The following ACACB variants were observed in gnomAD, a reference collection of about 807,000 sequenced individuals.
The protein encoded by ACACB is acetyl-CoA carboxylase 2.
ACACB carries 209 observed loss-of-function variants against 278.8 expected under a neutral mutation model. The ratio of observed to expected loss-of-function variants is 0.75; its 90% CI spans 0.67 to 0.84. ACACB has a LOEUF of 0.84. Ranked by LOEUF, ACACB falls within the 40% of genes least tolerant of loss-of-function variation. ACACB has a pLI of 0.00. For missense variants in ACACB, 2,850 were observed against 3,269.0 expected (o/e 0.87, Z 3.13); for synonymous variants, 1,174 against 1,285.6 (o/e 0.91, Z 1.86).
rs576366559 is a variant in ACACB at position 109,189,652 on chromosome 12, G to A, written c.2144+1490G>A. Among the ~76,000 whole-genome samples the A allele has an allele frequency of 3.3e-5, 5 of 152,314 alleles. No individual in the cohort carries two copies. The East Asian group carries it at 9.6e-4, about 29-fold the overall frequency. On this transcript the variant is annotated intron_variant, in intron 13 of 52. Coordinates refer to ENST00000338432, the MANE Select transcript of ACACB (RefSeq NM_001093.4). ...GACAAGTCACTCACCCGTGAGACCA[G>A]CGGGTTAACTCTCATACCCAGCTTC...
chr12:109,116,298 T>G (rs1324752734), upstream of ACACB, among the ~76,000 whole-genome samples: 1 of 152,218 alleles, frequency 6.6e-6, no homozygotes, highest in African/African-American at 2.4e-5. Context: ...CAGTTAATTT[T>G]CAGCATGTCA....
intron 22 of ACACB, among the ~76,000 whole-genome samples, chr12:109,215,299 T>A (rs924802772): frequency 1.3e-5 from 2 of 151,980 alleles, no homozygotes; most frequent in Admixed American, 1.3e-4. Context: ...TTCTTAACTC[T>A]GTGGCCAGAA....
intron 1 of ACACB, among the ~76,000 whole-genome samples, chr12:109,128,359 C>CG (rs1418282581): frequency 6.6e-6 from 1 of 151,526 alleles, no homozygotes; most frequent in Non-Finnish European, 1.5e-5. Flanking sequence ...ATTTTTTAGA[C>CG]GGAGTTTCAC....
chr12:109,167,411 G>A (rs34284), intron 3 of ACACB: 120,461 of 155,520 alleles, frequency 0.77, 48,246 homozygotes, highest in Middle Eastern at 0.9. Flanking sequence ...CAGCATGGAC[G>A]ACATGACAAA....
At chr12:109,255,164 A>G (rs1056966003) in intron 44 of ACACB, among the ~76,000 whole-genome samples, 3 of 152,176 alleles carry the variant, frequency 2.0e-5, no homozygotes, top group Non-Finnish European at 4.4e-5. Context: ...ACATTTTTGC[A>G]CACACACATT....
chr12:109,117,635 A>G (rs1249170510), intron 1 of ACACB, among the ~76,000 whole-genome samples: 2 of 151,626 alleles, frequency 1.3e-5, no homozygotes, highest in Admixed American at 1.3e-4. Context: ...ACTGTACACA[A>G]CTCTCTCCCT....
intron 2 of ACACB, among the ~76,000 whole-genome samples, chr12:109,159,011 G>A (rs2043636025): frequency 6.6e-6 from 1 of 151,922 alleles, no homozygotes; most frequent in Non-Finnish European, 1.5e-5. Flanking sequence ...AATCTAAAAA[G>A]TTAAAACCGC....
intron 4 of ACACB, among the ~76,000 whole-genome samples, chr12:109,171,301 A>T (rs140833934): frequency 2.0e-4 from 30 of 151,800 alleles, no homozygotes; most frequent in African/African-American, 7.0e-4. Flanking sequence ...GTCCAGAAAC[A>T]TATCTGTATC....
intron 19 of ACACB, among the ~76,000 whole-genome samples, chr12:109,205,062 C>G (rs2045460281): frequency 2.0e-5 from 3 of 152,146 alleles, no homozygotes; most frequent in African/African-American, 7.2e-5. Flanking sequence ...CTAGGTTGGC[C>G]AGGCTGATCT....
chr12:109,253,943 C>T (rs2047160153), intron 43 of ACACB, among the ~76,000 whole-genome samples: 1 of 152,150 alleles, frequency 6.6e-6, no homozygotes, highest in Non-Finnish European at 1.5e-5. Context: ...AGTAGCAACC[C>T]TTTCCTGCGT....
chr12:109,250,242 C>A, intron 41 of ACACB, 138 bp downstream of exon 41: 1 of 908,568 alleles, frequency 1.1e-6, no homozygotes, highest in Non-Finnish European at 1.6e-6. Flanking sequence ...TGCCAGCCCA[C>A]TGATATTTCC....
chr12:109,201,853 A>G, intron 19 of ACACB, 152 bp downstream of exon 19: 1 of 1,117,502 alleles, frequency 8.9e-7, no homozygotes, highest in Non-Finnish European at 1.2e-6. Flanking sequence ...GTGATGGTGC[A>G]GAAACACAAG....
In ACACB at chr12:109,176,234, G is replaced by A. The variant is rs758908393; in HGVS notation, c.1408G>A (p.Ala470Thr). ...GAAGGGAATCCGGAAGGCTGAGAGT[G>A]CGGAGGACTTCCCGATCCTTTTCAG... The part of the protein sequence containing the change: ...GGKGIRKAES[A>T]EDFPILFRQV... Residue 470 changes from alanine to threonine, a missense_variant, in exon 9 of 53, where the codon GCG becomes ACG. This residue lies in a region of ACACB where 2,265 missense variants were observed against 2,561.3 expected (regional missense o/e 0.88). Coordinates refer to ENST00000338432, the MANE Select transcript of ACACB (RefSeq NM_001093.4). 5 of 1,614,214 alleles carry A rather than the reference G, an allele frequency of 3.1e-6. No individual in the cohort carries two copies. The highest frequency in any genetic ancestry group is 2.2e-5 in the East Asian group (1 of 44,884).
chr12:109,215,111 A>G (rs1008025577), intron 22 of ACACB, among the ~76,000 whole-genome samples: 16 of 152,106 alleles, frequency 1.1e-4, no homozygotes, highest in African/African-American at 3.9e-4. Flanking sequence ...AAAGAAAAAA[A>G]AAAAGGGAGA....
chr12:109,192,655 C>CT lies in ACACB; in HGVS notation c.2399+717dup, dbSNP rs912781854. ...ATCAAAAAGAAAATAAAAGGATAAA[C>CT]TTTTTTTTTTTTGAGACAGAGTCTT... On this transcript the variant is annotated intron_variant, in intron 15 of 52. Transcript: ENST00000338432. Among the ~76,000 whole-genome samples the CT allele has an allele frequency of 5.8e-4, 86 of 147,212 alleles. 1 individual carries two copies. The highest frequency in any genetic ancestry group is 1.4e-3 in the East Asian group (7 of 5,080).
At chr12:109,213,657 C>T (rs1034126802) in intron 22 of ACACB, among the ~76,000 whole-genome samples, 8 of 151,760 alleles carry the variant, frequency 5.3e-5, no homozygotes, top group African/African-American at 1.7e-4. Context: ...TGTAATGGTT[C>T]GATCTTGGCT....
chr12:109,190,731 G>A (rs1054160653), intron 13 of ACACB, among the ~76,000 whole-genome samples: 5 of 151,894 alleles, frequency 3.3e-5, no homozygotes, highest in African/African-American at 7.3e-5. Flanking sequence ...GGGCTCAAGC[G>A]ATCCTCCCCC....
At position 109,222,988 on chromosome 12, in the gene ACACB, T is replaced by G. The variant is rs1053373361; in HGVS notation, c.3792+76T>G. On this transcript the variant is annotated intron_variant, in intron 26 of 52. Coordinates refer to ENST00000338432, the MANE Select transcript of ACACB (RefSeq NM_001093.4). ...AGGTGGGGGCCTCTGGGGAAACGGC[T>G]CCTCCTGCCCTCCAGGTGCTCAGTG... The G allele has an allele frequency of 5.8e-5, 68 of 1,165,078 alleles. 1 individual carries two copies. The highest frequency in any genetic ancestry group is 8.0e-5 in the Non-Finnish European group (64 of 802,236). The allele number at this position is 1,165,078 out of a possible 1,614,324, so 72.2% of individuals were successfully genotyped here.
intron 3 of ACACB, among the ~76,000 whole-genome samples, chr12:109,167,645 A>ATATATATT (rs2043961451): frequency 7.2e-6 from 1 of 138,138 alleles, no homozygotes; most frequent in Non-Finnish European, 1.5e-5. Flanking sequence ...ATATATATAT[A>ATATATATT]TATATATATT....
Sources: gnomAD v4.1 joint callset for allele counts (sites outside exome capture counted in the v4.1 genomes callset) on GRCh38, gnomAD v4.1.1 for gene constraint, gnomAD v4.1.1 regional missense constraint, MANE v1.5 for transcripts, NCBI Gene and HGNC (gene_info 2026-07-23, HGNC 2026-07-21) for gene names.